The following RANBP2 variants were observed in gnomAD, a reference collection of about 807,000 sequenced individuals.
RANBP2 encodes the protein E3 SUMO-protein ligase RanBP2.
A neutral mutation model predicts 303.6 loss-of-function variants in RANBP2; 57 were observed. The ratio of observed to expected loss-of-function variants is 0.19; its 90% confidence interval spans 0.15 to 0.23. RANBP2 has a LOEUF of 0.23. RANBP2 is among the 10% of genes least tolerant of loss of function. The pLI, the probability that RANBP2 is intolerant of heterozygous loss-of-function variation, is 1.00. For missense variants in RANBP2, 3,138 were observed against 3,780.8 expected (o/e 0.83, Z 4.46); for synonymous variants, 1,167 against 1,301.5 (o/e 0.90, Z 2.23).
At chr2:108,788,844 G>A (rs1455003321), downstream of RANBP2, 2 of 1,613,806 alleles carry the variant, frequency 1.2e-6, no homozygotes, top group Non-Finnish European at 1.7e-6. Context: ...TTTCTTTGTC[G>A]TTGACAGGTG....
At chr2:109,393,422 C>T in the RANBP2 span, among the ~76,000 whole-genome samples, 4 of 152,342 alleles carry the variant, frequency 2.6e-5, no homozygotes, top group South Asian at 4.1e-4. Flanking sequence ...CAGCCCACAC[C>T]TATTGAGCCG....
intron 1 of RANBP2, among the ~76,000 whole-genome samples, chr2:108,723,310 C>G (rs191964645): frequency 2.7e-5 from 4 of 148,032 alleles, no homozygotes; most frequent in Non-Finnish European, 3.0e-5. Flanking sequence ...GACGGAGACT[C>G]GCTCTATCGT....
chr2:108,823,534 C>T, the RANBP2 span, among the ~76,000 whole-genome samples: 1 of 152,220 alleles, frequency 6.6e-6, no homozygotes, highest in Non-Finnish European at 1.5e-5. Flanking sequence ...TACTACCAGC[C>T]TAGGCTATAT....
chr2:108,838,607 G>T, the RANBP2 span, among the ~76,000 whole-genome samples: 1 of 151,968 alleles, frequency 6.6e-6, no homozygotes. Flanking sequence ...ATATACTTTT[G>T]AAGCAAAATT....
chr2:109,047,862 A>G, the RANBP2 span, among the ~76,000 whole-genome samples: 1,020 of 152,330 alleles, frequency 6.7e-3, 18 homozygotes, highest in African/African-American at 0.023. Context: ...CTCAAATCAC[A>G]TAGTGAGGAC....
the RANBP2 span, among the ~76,000 whole-genome samples, chr2:109,180,121 T>C: frequency 6.6e-6 from 1 of 151,882 alleles, no homozygotes; most frequent in African/African-American, 2.4e-5. Context: ...AGGAGAAGTT[T>C]TTTTTTTTTT....
At chr2:109,181,329 A>T in the RANBP2 span, among the ~76,000 whole-genome samples, 1 of 152,226 alleles carries the variant, frequency 6.6e-6, no homozygotes, top group Non-Finnish European at 1.5e-5. Flanking sequence ...AGCAATTAAC[A>T]TGGGTACATT....
the RANBP2 span, among the ~76,000 whole-genome samples, chr2:109,678,878 G>A: frequency 1.3e-5 from 2 of 152,170 alleles, no homozygotes; most frequent in South Asian, 2.1e-4. Context: ...TGCTGAGAGC[G>A]GTGCTCACCA....
the RANBP2 span, chr2:109,432,386 T>C: frequency 3.8e-6 from 5 of 1,328,074 alleles, no homozygotes; most frequent in East Asian, 5.0e-5. Flanking sequence ...CCATAGACTC[T>C]AGTGGGTCTT....
chr2:109,466,905 ATG>A, the RANBP2 span, among the ~76,000 whole-genome samples: 3 of 151,836 alleles, frequency 2.0e-5, no homozygotes, highest in African/African-American at 4.8e-5. Flanking sequence ...GTGTTTGTGT[ATG>A]TGTGTCTATA....
the RANBP2 span, among the ~76,000 whole-genome samples, chr2:109,395,878 AT>A: frequency 6.6e-6 from 1 of 152,158 alleles, no homozygotes; most frequent in Non-Finnish European, 1.5e-5. Flanking sequence ...GGATTTCCTG[AT>A]TTTGAAAACA....
chr2:109,553,183 G>A, the RANBP2 span: 13 of 1,613,858 alleles, frequency 8.1e-6, no homozygotes, highest in African/African-American at 1.5e-4. Flanking sequence ...GTTCACCATG[G>A]AACTCATGTC....
the RANBP2 span, among the ~76,000 whole-genome samples, chr2:109,680,376 A>T: frequency 5.8e-3 from 878 of 151,578 alleles, 2 homozygotes; most frequent in Non-Finnish European, 9.1e-3. Flanking sequence ...GTCTCAAAAA[A>T]AATAATAAAA....
chr2:108,748,697 T>C (rs1675585871), intron 8 of RANBP2, among the ~76,000 whole-genome samples: 1 of 152,212 alleles, frequency 6.6e-6, no homozygotes, highest in South Asian at 2.1e-4. Context: ...CCTGTCTTTT[T>C]TCCCCCTTCT....
In RANBP2 at chr2:108,777,213, T is replaced by G. The variant is rs1367632044; in HGVS notation, c.8581T>G (p.Phe2861Val). Residue 2861 changes from phenylalanine to valine, a missense_variant, in exon 25 of 29, where the codon TTT (phenylalanine) becomes GTT (valine). Transcript: ENST00000283195. Reference sequence around the variant, plus strand: ...CTTGGCTTCCAGTAATTCTGGAGATTTTGCTTTTGGTTCTAAAGGTAAGAT... The same window carrying G: ...CTTGGCTTCCAGTAATTCTGGAGATGTTGCTTTTGGTTCTAAAGGTAAGAT... ...ADLASSNSGD[F>V]AFGSKDKNFQ... 1 of 1,613,336 alleles carries G rather than the reference T, an allele frequency of 6.2e-7. No homozygotes were observed. Among genetic ancestry groups the G allele is most frequent in the Non-Finnish European group, 8.5e-7 (1 of 1,179,542 alleles).
chr2:109,080,482 G>T, the RANBP2 span, among the ~76,000 whole-genome samples: 64 of 152,300 alleles, frequency 4.2e-4, no homozygotes, highest in African/African-American at 1.3e-3. Flanking sequence ...AAACTGGAGA[G>T]TGGGAACCAG....
chr2:108,818,046 C>G, the RANBP2 span, among the ~76,000 whole-genome samples: 8 of 152,288 alleles, frequency 5.3e-5, 1 homozygote, highest in South Asian at 1.7e-3. Context: ...TGGCTCATAC[C>G]TGTAATCCTT....
At chr2:109,397,764 G>A in the RANBP2 span, among the ~76,000 whole-genome samples, 1 of 152,230 alleles carries the variant, frequency 6.6e-6, no homozygotes, top group South Asian at 2.1e-4. Flanking sequence ...CCGCAGCCCT[G>A]AGAGGAAGGA....
the RANBP2 span, among the ~76,000 whole-genome samples, chr2:109,576,138 A>G: frequency 6.6e-6 from 1 of 152,188 alleles, no homozygotes; most frequent in South Asian, 2.1e-4. Flanking sequence ...TGAGGTGCCT[A>G]TAGTCCTAGC....
Sources: gnomAD v4.1 joint callset for allele counts (sites outside exome capture counted in the v4.1 genomes callset) on GRCh38, gnomAD v4.1.1 for gene constraint, MANE v1.5 for transcripts, NCBI Gene and HGNC (gene_info 2026-07-23, HGNC 2026-07-21) for gene names.